Variants in TUBB3 observed in about 807,000 individuals in gnomAD.
TUBB3 encodes the protein tubulin beta 3 class III.
Under a neutral mutation model 37.8 loss-of-function variants are expected in TUBB3, and 17 were observed. The ratio of observed to expected loss-of-function variants is 0.45; its 90% CI spans 0.31 to 0.67. The LOEUF (loss-of-function observed/expected upper bound fraction) is 0.67, where lower values mean the gene tolerates loss of function less well. Among genes scored for constraint, TUBB3 ranks in the 30% least tolerant of loss-of-function variants. The probability of loss-of-function intolerance (pLI) is 0.07; values close to 1 mark genes in which losing one functional copy is unlikely to be tolerated. For missense variants in TUBB3, 262 were observed against 657.9 expected (o/e 0.40, Z 6.58); for synonymous variants, 332 against 278.9 (o/e 1.19, Z -1.90).
At chr16:89,925,457 G>C (rs918801672) in intron 1 of TUBB3, among the ~76,000 whole-genome samples, 1 of 151,352 alleles carries the variant, frequency 6.6e-6, no homozygotes, top group Non-Finnish European at 1.5e-5. Flanking sequence ...TTAGCCTGGC[G>C]TGGTGGGCCG....
Position 89,923,363 on chromosome 16 carries a change from C to CCCGCGCCCGT in TUBB3, c.-34_-25dup. ...GACCCTCAGCAGCCAGCCCGGCCCG[C>CCCGCGCCCGT]CCGCGCCCGTCCGCAGCCGCCCGCC... On this transcript the variant is annotated 5_prime_UTR_variant, in exon 1 of 4. Transcript: ENST00000315491. The CCCGCGCCCGT allele has an allele frequency of 2.1e-6, 3 of 1,442,302 alleles. No homozygotes were observed. In the South Asian group the frequency reaches 4.0e-5, roughly 19 times the overall value. The allele number at this position is 1,442,302 out of a possible 1,614,324, so 89.3% of individuals were successfully genotyped here.
intron 1 of TUBB3, chr16:89,931,914 C>T (rs776571189): frequency 1.0e-4 from 37 of 370,408 alleles, no homozygotes; most frequent in Non-Finnish European, 5.5e-5. Context: ...ATGCCAGCCT[C>T]ACACGGACAG....
rs546465562 is a variant in TUBB3, at chr16:89,935,003, C to T, written c.552C>T (p.Asn184=). 1.8e-5 allele frequency: 29 copies of T among 1,614,182 alleles called. No individual in the cohort carries two copies. Among genetic ancestry groups the T allele is most frequent in the African/African-American group, 1.1e-4 (8 of 75,040 alleles). Residue 184 remains asparagine (N), a synonymous_variant, in exon 4 of 4, where the codon AAC becomes AAT. Transcript: ENST00000315491. The part of the protein sequence containing the change: ...KVSDTVVEPY[N]ATLSIHQLVE... ...CAGACACGGTGGTGGAGCCCTACAA[C>T]GCCACGCTGTCCATCCACCAGCTGG...
intron 2 of TUBB3, 138 bp from the exon 3 acceptor site, chr16:89,933,330 G>C: frequency 1.2e-6 from 1 of 821,896 alleles, no homozygotes; most frequent in Non-Finnish European, 2.2e-6. Flanking sequence ...CTTGCCTTTG[G>C]TCCAGGACTC....
chr16:89,930,932 A>G (rs1014514686), intron 1 of TUBB3, among the ~76,000 whole-genome samples: 2 of 151,132 alleles, frequency 1.3e-5, no homozygotes, highest in African/African-American at 4.9e-5. Flanking sequence ...GGTTCAAGTG[A>G]TTCTCCTGCT....
chr16:89,923,647 C>T (rs1002230782), intron 1 of TUBB3, among the ~76,000 whole-genome samples, 189 bp downstream of exon 1: 4 of 152,192 alleles, frequency 2.6e-5, no homozygotes, highest in African/African-American at 9.6e-5. Flanking sequence ...CTCTCTGCCC[C>T]TGCCCAGGTG....
rs1427035479 is a variant in TUBB3 at position 89,932,597 on chromosome 16, T to C, written c.84T>C (p.His28=). The change falls in exon 2 of 4, where the codon CAT becomes CAC. Residue 28 remains histidine, a synonymous_variant. Transcript: ENST00000315491. ...AKFWEVISDE[H]GIDPSGNYVG... is the part of the protein sequence containing the mutation. ...TCTGGGAAGTCATCAGTGATGAGCA[T>C]GGCATCGACCCCAGCGGCAACTACG... is the stretch of plus-strand genomic sequence containing the variant. 8 of 1,614,006 alleles carry C rather than the reference T, an allele frequency of 5.0e-6. No individual in the cohort carries two copies. In the African/African-American group the frequency reaches 5.3e-5, roughly 11 times the overall value.
Position 89,935,841 on chromosome 16 carries a change from C to G in TUBB3, c.*37C>G, listed in dbSNP as rs11554950. The G allele has an allele frequency of 2.5e-6, 4 of 1,592,682 alleles. No individual in the cohort carries two copies. The highest frequency in any genetic ancestry group is 8.6e-7 in the Non-Finnish European group (1 of 1,169,022). ...GCTGGAGTGAGAGGCAGGTGGCGGCCGGGGCCGAAGCCAGCAGTGTCTAAA... is the reference window on the plus strand; with the variant it reads ...GCTGGAGTGAGAGGCAGGTGGCGGCGGGGGCCGAAGCCAGCAGTGTCTAAA... On this transcript the variant is annotated 3_prime_UTR_variant, in exon 4 of 4. Transcript: ENST00000315491.
intron 1 of TUBB3, among the ~76,000 whole-genome samples, chr16:89,926,760 C>T (rs2030102086): frequency 6.6e-6 from 1 of 151,678 alleles, no homozygotes. Flanking sequence ...TCTTGTTGCC[C>T]AGGCTGGAGT....
chr16:89,932,773 C>T (rs1287863275), intron 2 of TUBB3, 94 bp downstream of exon 2: 1 of 1,000,400 alleles, frequency 1.0e-6, no homozygotes, highest in Middle Eastern at 2.0e-4. Context: ...CTCACCAGCT[C>T]TCAGCATCTC....
chr16:89,924,104 C>T (rs775161436), intron 1 of TUBB3, among the ~76,000 whole-genome samples: 10 of 152,372 alleles, frequency 6.6e-5, no homozygotes, highest in East Asian at 1.9e-4. Context: ...ACCGCGCCCA[C>T]CCAGGGTCTA....
chr16:89,932,970 A>G (rs574289901), intron 2 of TUBB3: 246 of 525,158 alleles, frequency 4.7e-4, no homozygotes, highest in African/African-American at 4.4e-3. Context: ...TTTGGAGGCC[A>G]TAAGAGGGCC....
At position 89,932,604 on chromosome 16, in the gene TUBB3, G is replaced by A. The variant is rs2030317038; in HGVS notation, c.91G>A (p.Asp31Asn). 1.2e-6 allele frequency: 2 copies of A among 1,613,988 alleles called. No individual in the cohort carries two copies. The highest frequency in any genetic ancestry group is 1.7e-6 in the Non-Finnish European group (2 of 1,180,054). Residue 31 changes from aspartate to asparagine, a missense_variant, in exon 2 of 4, where the codon GAC becomes AAC. By Grantham distance (23) the Asp-to-Asn change is conservative. This residue lies in a region of TUBB3 where 58 missense variants were observed against 74.2 expected (regional missense o/e 0.78). Coordinates refer to ENST00000315491, the MANE Select transcript of TUBB3 (RefSeq NM_006086.4). ...AGTCATCAGTGATGAGCATGGCATC[G>A]ACCCCAGCGGCAACTACGTGGGCGA... The part of the protein sequence containing the change: ...WEVISDEHGI[D>N]PSGNYVGDSD...
intron 1 of TUBB3, among the ~76,000 whole-genome samples, chr16:89,926,267 TG>T (rs1048356075): frequency 2.0e-5 from 3 of 151,960 alleles, no homozygotes; most frequent in South Asian, 2.1e-4. Context: ...GGGGCGGGGC[TG>T]GGGGCGGGGC....
At chr16:89,924,465 C>CG (rs55665107) in intron 1 of TUBB3, among the ~76,000 whole-genome samples, 1,602 of 140,920 alleles carry the variant, frequency 0.011, 17 homozygotes, top group Middle Eastern at 0.042. Flanking sequence ...AACAGGGGAT[C>CG]GGGGGGGGAG....
chr16:89,927,194 G>A (rs1031229703), intron 1 of TUBB3, among the ~76,000 whole-genome samples: 1 of 151,760 alleles, frequency 6.6e-6, no homozygotes, highest in Non-Finnish European at 1.5e-5. Flanking sequence ...GGGCAACATG[G>A]CAAGACTCCG....
chr16:89,924,705 T>C (rs2030011738), intron 1 of TUBB3, among the ~76,000 whole-genome samples: 1 of 151,924 alleles, frequency 6.6e-6, no homozygotes, highest in African/African-American at 2.4e-5. Context: ...GAGGCGCCTC[T>C]GAGGGTGGGA....
rs564730064 is a variant in TUBB3, at chr16:89,925,724, T to A, written c.57+2266T>A. 2.0e-5 allele frequency among the ~76,000 whole-genome samples: 3 copies of A among 152,140 alleles called. No homozygotes were observed. The East Asian group carries it at 5.8e-4, about 30-fold the overall frequency. ...CTTGTGGAATCAATGGGAAGTTCCT[T>A]GGCCGTTCTCGGCCTCCACTCCCGC... is the stretch of plus-strand genomic sequence containing the variant. On this transcript the variant is annotated intron_variant, in intron 1 of 3. Coordinates refer to ENST00000315491, the MANE Select transcript of TUBB3 (RefSeq NM_006086.4).
chr16:89,929,849 C>T (rs537522505), intron 1 of TUBB3, among the ~76,000 whole-genome samples: 4 of 152,150 alleles, frequency 2.6e-5, no homozygotes, highest in Admixed American at 6.5e-5. Context: ...TACAGGTGCT[C>T]GCCACCACGC....
Sources: gnomAD v4.1 joint callset for allele counts (sites outside exome capture counted in the v4.1 genomes callset) on GRCh38, gnomAD v4.1.1 for gene constraint, gnomAD v4.1.1 regional missense constraint, MANE v1.5 for transcripts, NCBI Gene and HGNC (gene_info 2026-07-23, HGNC 2026-07-21) for gene names.